Variants in HIVEP3 observed in about 807,000 individuals in gnomAD.
HIVEP3 encodes transcription factor HIVEP3.
HIVEP3 carries 49 observed loss-of-function variants against 152.8 expected under a neutral mutation model. That is an observed-to-expected ratio of 0.32 (90% CI 0.26 to 0.41). The LOEUF (loss-of-function observed/expected upper bound fraction) is 0.41. Ranked by LOEUF, HIVEP3 falls within the 10% of genes least tolerant of loss-of-function variation. The pLI, the probability that HIVEP3 is intolerant of heterozygous loss-of-function variation, is 1.00. For synonymous variants in HIVEP3, 1,269 were observed against 1,289.0 expected, an observed-to-expected ratio of 0.98 and a Z score of 0.33; for missense variants, 2,790 against 3,103.3, an observed-to-expected ratio of 0.90 and a Z score of 2.40.
chr1:41,582,667 G>A lies in HIVEP3; in HGVS notation c.2131C>T (p.Pro711Ser). Residue 711 changes from proline to serine, a missense_variant, in exon 4 of 9, where the codon CCA (proline) becomes TCA (serine). This residue lies in a region of HIVEP3 where 339 missense variants were observed against 327.0 expected (regional missense o/e 1.04). Coordinates refer to ENST00000372583, the MANE Select transcript of HIVEP3 (RefSeq NM_024503.5). The surrounding 1 kb of genome is among the most constrained non-coding windows in gnomAD (Gnocchi z 4.7). ...TTCTCTTTCCTCCTCTTCCTCAGTG[G>A]AGTGAGTTCCAGGGTGGTTCCCAGT... ...YKLGTTLELT[P>S]LRKRRKEKSL... The A allele has an allele frequency of 6.2e-7, 1 of 1,614,178 alleles. No homozygotes were observed. Among genetic ancestry groups the A allele is most frequent in the South Asian group, 1.1e-5 (1 of 91,082 alleles).
chr1:41,730,102 T>G (rs2124184422), intron 1 of HIVEP3, among the ~76,000 whole-genome samples: 1 of 152,322 alleles, frequency 6.6e-6, no homozygotes, highest in South Asian at 2.1e-4. Context: ...CATCTTCCTG[T>G]GGGAATTCGC....
chr1:41,962,682 C>G (rs948177196), intron 1 of HIVEP3, among the ~76,000 whole-genome samples: 8 of 152,240 alleles, frequency 5.3e-5, no homozygotes, highest in African/African-American at 1.7e-4. Flanking sequence ...ATCACACTAA[C>G]CAGAGTGGCA....
intron 1 of HIVEP3, among the ~76,000 whole-genome samples, chr1:41,881,279 T>G (rs1344753022): frequency 6.6e-6 from 1 of 152,204 alleles, no homozygotes; most frequent in Non-Finnish European, 1.5e-5. Context: ...TTCACAACAA[T>G]GATGAGAGGT....
chr1:41,883,574 G>C (rs1187136238), intron 1 of HIVEP3, among the ~76,000 whole-genome samples: 1 of 152,198 alleles, frequency 6.6e-6, no homozygotes, highest in East Asian at 1.9e-4. Flanking sequence ...ACACCTGACA[G>C]CAGAACCAGA....
chr1:41,808,031 T>C (rs984695767), intron 1 of HIVEP3, among the ~76,000 whole-genome samples: 3 of 152,168 alleles, frequency 2.0e-5, no homozygotes, highest in African/African-American at 7.2e-5. Context: ...TCTGATAATA[T>C]TATCAACCAC....
At chr1:42,033,607 T>C (rs1365685094) in intron 1 of HIVEP3, among the ~76,000 whole-genome samples, 2 of 152,248 alleles carry the variant, frequency 1.3e-5, no homozygotes, top group Non-Finnish European at 2.9e-5. Flanking sequence ...CAAATGCTGT[T>C]ATTCCACCAA....
chr1:41,615,647 C>T (rs1644957244), intron 3 of HIVEP3, among the ~76,000 whole-genome samples: 1 of 152,104 alleles, frequency 6.6e-6, no homozygotes. Context: ...GGCAGAGAGG[C>T]ACAGGGCCTC....
At chr1:41,631,659 A>G (rs1462794721) in intron 2 of HIVEP3, among the ~76,000 whole-genome samples, 2 of 151,836 alleles carry the variant, frequency 1.3e-5, no homozygotes, top group Non-Finnish European at 2.9e-5. Flanking sequence ...TCCTACCCCC[A>G]GGGCAGCATC....
At chr1:41,812,887 G>T (rs571325824) in intron 1 of HIVEP3, among the ~76,000 whole-genome samples, 1 of 139,726 alleles carries the variant, frequency 7.2e-6, no homozygotes, top group Admixed American at 7.4e-5. Flanking sequence ...GGTGGAGGGG[G>T]TGGGGGGCGG....
chr1:41,568,372 C>G (rs1644201033), intron 5 of HIVEP3, among the ~76,000 whole-genome samples: 1 of 152,366 alleles, frequency 6.6e-6, no homozygotes, highest in African/African-American at 2.4e-5. Context: ...GGGGCAGAAG[C>G]TTGTCTTACA....
In HIVEP3 at chr1:41,580,532, T is replaced by C. The variant is rs997488707; in HGVS notation, c.4266A>G (p.Ser1422=). Residue 1422 remains serine, a synonymous_variant, in exon 4 of 9, where the codon TCA becomes TCG. Coordinates refer to ENST00000372583, the MANE Select transcript of HIVEP3 (RefSeq NM_024503.5). ...SESILSLEGS[S]STAGGSKRVL... Reference sequence around the variant, plus strand: ...CACGTTTGCTTCCCCCTGCTGTTGATGAACTCCCCTCCAGGCTCAAGATAC... The same window carrying C: ...CACGTTTGCTTCCCCCTGCTGTTGACGAACTCCCCTCCAGGCTCAAGATAC... 9.3e-6 allele frequency: 15 copies of C among 1,614,252 alleles called. No homozygotes were observed. The highest frequency in any genetic ancestry group is 1.3e-5 in the Non-Finnish European group (15 of 1,180,050).
In HIVEP3 at chr1:41,584,841, C is replaced by G; in HGVS notation, c.-44G>C. On this transcript the variant is annotated 5_prime_UTR_variant, in exon 4 of 9. Transcript: ENST00000372583. This position sits in a 1 kb window ranked among gnomAD's most constrained non-coding sequence, Gnocchi z 5.2. ...AGATGCTATTCAGGGAGAGTCAGGG[C>G]GGGCTGCATTTATGAATAATCCCAG... 1.4e-6 allele frequency: 2 copies of G among 1,434,020 alleles called. No homozygotes were observed. The highest frequency in any genetic ancestry group is 1.8e-6 in the Non-Finnish European group (2 of 1,083,766). 88.8% of individuals were successfully genotyped at this position (1,434,020 alleles called of 1,614,324 possible).
At chr1:41,619,479 G>A (rs1284073807) in intron 3 of HIVEP3, among the ~76,000 whole-genome samples, 1 of 152,186 alleles carries the variant, frequency 6.6e-6, no homozygotes, top group East Asian at 1.9e-4. Context: ...CGATATGTTT[G>A]TCTATTTCCC....
chr1:41,698,341 T>A (rs1019807673), intron 2 of HIVEP3, among the ~76,000 whole-genome samples: 1 of 152,088 alleles, frequency 6.6e-6, no homozygotes, highest in African/African-American at 2.4e-5. Context: ...AGTTTATTCA[T>A]CTCCATCCCA....
At chr1:41,563,834 AG>A (rs1644120875) in intron 5 of HIVEP3, among the ~76,000 whole-genome samples, 1 of 152,236 alleles carries the variant, frequency 6.6e-6, no homozygotes, top group African/African-American at 2.4e-5. Context: ...TAATAGCCTT[AG>A]AGAGATAAGA....
chr1:41,646,890 C>T (rs1558145457), intron 2 of HIVEP3, among the ~76,000 whole-genome samples: 1 of 152,222 alleles, frequency 6.6e-6, no homozygotes, highest in Non-Finnish European at 1.5e-5. Context: ...GTTAACAGGG[C>T]TGCATTGCTT....
At chr1:41,611,946 G>A (rs1352639904) in intron 3 of HIVEP3, among the ~76,000 whole-genome samples, 1 of 152,164 alleles carries the variant, frequency 6.6e-6, no homozygotes, top group Non-Finnish European at 1.5e-5. Context: ...GACTAGGTCT[G>A]TGAAGATATA....
intron 1 of HIVEP3, among the ~76,000 whole-genome samples, chr1:41,819,368 T>A (rs1837562): frequency 0.4 from 60,759 of 151,804 alleles, 12,639 homozygotes; most frequent in African/African-American, 0.48. Context: ...TTCTTTATCT[T>A]TTGTTTTCTG....
chr1:41,744,125 C>T (rs970110752), intron 1 of HIVEP3, among the ~76,000 whole-genome samples: 6 of 152,098 alleles, frequency 3.9e-5, no homozygotes, highest in Non-Finnish European at 7.3e-5. Flanking sequence ...CTGCAACCTC[C>T]GCCTCCAGGT....
Sources: allele counts gnomAD v4.1 joint callset (sites outside exome capture counted in the v4.1 genomes callset), GRCh38; gene constraint gnomAD v4.1.1; regional missense constraint gnomAD v4.1.1; non-coding constraint Gnocchi (gnomAD v3.1); transcripts MANE v1.5; gene names NCBI Gene and HGNC (gene_info 2026-07-23, HGNC 2026-07-21).